Variants in ZKSCAN7 observed in about 807,000 individuals in gnomAD.
ZKSCAN7 encodes the protein zinc finger with KRAB and SCAN domains 7, also known as zinc finger protein with KRAB and SCAN domains 7.
Under a neutral mutation model 65.3 loss-of-function variants are expected in ZKSCAN7, and 38 were observed. The ratio of observed to expected loss-of-function variants is 0.58; its 90% CI spans 0.45 to 0.76. The LOEUF (loss-of-function observed/expected upper bound fraction) is 0.76, where lower values mean the gene tolerates loss of function less well. Among genes scored for constraint, ZKSCAN7 ranks in the 30% least tolerant of loss-of-function variants. The pLI, the probability that ZKSCAN7 is intolerant of heterozygous loss-of-function variation, is 0.00. For synonymous variants in ZKSCAN7, 321 were observed against 321.0 expected (o/e 1.00, Z 0.00); for missense variants, 815 against 913.3 (o/e 0.89, Z 1.39).
chr3:44,574,680 A>G (rs1699888910), downstream of ZKSCAN7, among the ~76,000 whole-genome samples: 1 of 152,248 alleles, frequency 6.6e-6, no homozygotes, highest in Non-Finnish European at 1.5e-5. Flanking sequence ...CTGTAATCCC[A>G]GCACTTTGGG....
At position 44,570,851 on chromosome 3, in the gene ZKSCAN7, T is replaced by C. The variant is rs1384202978; in HGVS notation, c.1741T>C (p.Cys581Arg). The change falls in exon 6 of 6, where the codon TGT (cysteine) becomes CGT (arginine). Residue 581 changes from cysteine (C) to arginine (R), a missense_variant. This residue lies in a region of ZKSCAN7 where 578 missense variants were observed against 629.5 expected (regional missense o/e 0.92). Transcript: ENST00000426540. ...CCATACTGGGGAAAAGCCATACAAA[T>C]GTAGTGAATGTGGGAAAGCCTTCAA... Reference protein sequence around the residue: ...SLHTGEKPYKCSECGKAFNQN... With the variant: ...SLHTGEKPYKRSECGKAFNQN... 1 of 1,614,172 alleles carries C rather than the reference T, an allele frequency of 6.2e-7. No individual in the cohort carries two copies. Among genetic ancestry groups the C allele is most frequent in the Admixed American group, 1.7e-5 (1 of 60,024 alleles).
intron 2 of ZKSCAN7, among the ~76,000 whole-genome samples, chr3:44,564,870 G>T (rs537869302): frequency 6.6e-6 from 1 of 151,786 alleles, no homozygotes; most frequent in Non-Finnish European, 1.5e-5. Flanking sequence ...GCGTGATCTC[G>T]GCTCCCTGCA....
Position 44,570,505 on chromosome 3 carries a change from A to C in ZKSCAN7, c.1395A>C (p.Lys465Asn). 1.2e-6 allele frequency: 2 copies of C among 1,614,182 alleles called. No homozygotes were observed. The highest frequency in any genetic ancestry group is 1.7e-6 in the Non-Finnish European group (2 of 1,180,036). The stretch of plus-strand genomic sequence containing the variant: ...ACCAGAGACTCCATAATGGGGAGAA[A>C]CCCTATAAATGTAATGAATGTGCAA... ...IQHQRLHNGEKPYKCNECAKA... is the reference protein window; with the variant it reads ...IQHQRLHNGENPYKCNECAKA... Residue 465 changes from lysine to asparagine, a missense_variant, in exon 6 of 6, where the codon AAA (lysine) becomes AAC (asparagine). Transcript: ENST00000426540.
In ZKSCAN7 at chr3:44,571,121, G is replaced by A. The variant is rs150218193; in HGVS notation, c.2011G>A (p.Val671Ile). 4.4e-5 allele frequency: 71 copies of A among 1,613,988 alleles called. No individual in the cohort carries two copies. The highest frequency in any genetic ancestry group is 6.0e-5 in the Non-Finnish European group (71 of 1,180,022). Residue 671 changes from valine (V) to isoleucine (I), a missense_variant, in exon 6 of 6, where the codon GTA becomes ATA. Around this residue, in one of 3 missense-constraint regions of ZKSCAN7, gnomAD observed 578 missense variants for 629.5 expected, o/e 0.92. Transcript: ENST00000426540. ...KPYECNECGK[V>I]FSYSSSLMVH... ...CTATGAATGTAATGAGTGTGGGAAG[G>A]TATTCAGTTATAGCTCCAGCCTTAT... is the stretch of plus-strand genomic sequence containing the variant.
At chr3:44,576,444 T>G (rs1012074421), downstream of ZKSCAN7, among the ~76,000 whole-genome samples, 3 of 151,514 alleles carry the variant, frequency 2.0e-5, no homozygotes, top group Non-Finnish European at 4.4e-5. Context: ...TCCCTTCAGT[T>G]TTTTTTTTAC....
Position 44,578,282 on chromosome 3 carries a change from T to C in ZKSCAN7, c.812-4690T>C, listed in dbSNP as rs558442956. 221 of 1,578,870 alleles carry C rather than the reference T, an allele frequency of 1.4e-4. 2 individuals carry two copies. Among genetic ancestry groups the C allele is most frequent in the Admixed American group, 3.8e-4 (23 of 59,988 alleles). On this transcript the variant is annotated intron_variant, in intron 5 of 5. Transcript: ENST00000341840. ...CTCATCCTTGAGGGAGCTAATCTCC[T>C]GTTTCAGGTACTGTATTTCCGATTC...
At chr3:44,581,135 C>G in intron 5 of ZKSCAN7, 1 of 969,252 alleles carries the variant, frequency 1.0e-6, no homozygotes, top group Non-Finnish European at 1.2e-6. Context: ...TGCCACAGGC[C>G]CTGACCGGCC....
At chr3:44,579,509 G>A (rs375769242) in intron 5 of ZKSCAN7, among the ~76,000 whole-genome samples, 8 of 152,314 alleles carry the variant, frequency 5.3e-5, no homozygotes, top group African/African-American at 1.2e-4. Flanking sequence ...AGTAGGCCTC[G>A]GGCAGGTCTC....
At chr3:44,575,108 C>A (rs564314725), downstream of ZKSCAN7, among the ~76,000 whole-genome samples, 1 of 152,228 alleles carries the variant, frequency 6.6e-6, no homozygotes, top group Admixed American at 6.5e-5. Flanking sequence ...GCCTGGGCAA[C>A]ACGTCAAGAC....
chr3:44,579,983 G>A (rs558176319), intron 5 of ZKSCAN7: 8 of 1,573,680 alleles, frequency 5.1e-6, no homozygotes, highest in Admixed American at 3.3e-5. Context: ...CTTGGGGGGG[G>A]GCTTCATTGG....
At chr3:44,573,356 TA>T (rs1699859796), downstream of ZKSCAN7, among the ~76,000 whole-genome samples, 1 of 152,202 alleles carries the variant, frequency 6.6e-6, no homozygotes, top group Non-Finnish European at 1.5e-5. Flanking sequence ...GCGAGTTATA[TA>T]ATCTGGAGGG....
chr3:44,580,436 C>T (rs1700044890), intron 5 of ZKSCAN7: 1 of 1,600,424 alleles, frequency 6.2e-7, no homozygotes, highest in South Asian at 1.1e-5. Flanking sequence ...AGAGTGTGGA[C>T]TTGGTGGTGG....
chr3:44,571,194 A>G lies in ZKSCAN7; in HGVS notation c.2084A>G (p.Asp695Gly). 1 of 1,614,226 alleles carries G rather than the reference A, an allele frequency of 6.2e-7. No homozygotes were observed. The highest frequency in any genetic ancestry group is 1.7e-5 in the Admixed American group (1 of 60,026). ...HTGEKPYKCN[D>G]CGKAFSDSSQ... is the part of the protein sequence containing the mutation. The stretch of plus-strand genomic sequence containing the variant: ...GGGGAAAAACCCTATAAATGCAATG[A>G]TTGTGGGAAAGCTTTTAGTGACAGC... The change falls in exon 6 of 6, where the codon GAT (aspartate) becomes GGT (glycine). Residue 695 changes from aspartate to glycine, a missense_variant. By Grantham distance (94) the Asp-to-Gly change is moderately conservative (BLOSUM62 -1). Transcript: ENST00000426540.
In ZKSCAN7 at chr3:44,570,431, T is replaced by C; in HGVS notation, c.1321T>C (p.Cys441Arg). The C allele has an allele frequency of 6.2e-7, 1 of 1,614,012 alleles. No individual in the cohort carries two copies. The highest frequency in any genetic ancestry group is 8.5e-7 in the Non-Finnish European group (1 of 1,179,962). The change falls in exon 6 of 6, where the codon TGC (cysteine) becomes CGC (arginine). Residue 441 changes from cysteine to arginine, a missense_variant. Cys to Arg is a radical substitution (Grantham distance 180). Around this residue, in one of 3 missense-constraint regions of ZKSCAN7, gnomAD observed 578 missense variants for 629.5 expected, o/e 0.92. Coordinates refer to ENST00000426540, the MANE Select transcript of ZKSCAN7 (RefSeq NM_001288590.2). ...CCACACAGGGGAAAAACCCTATGAA[T>C]GCAGTGAGTGTGGAAAGGCCTATAG... is the stretch of plus-strand genomic sequence containing the variant. Reference protein sequence around the residue: ...RTHTGEKPYECSECGKAYRHS... With the variant: ...RTHTGEKPYERSECGKAYRHS...
intron 3 of ZKSCAN7, 51 bp downstream of exon 3, chr3:44,565,706 T>A (rs1699613130): frequency 6.8e-7 from 1 of 1,475,594 alleles, no homozygotes; most frequent in South Asian, 1.4e-5. Flanking sequence ...TTCTCTCCTC[T>A]GGAGTCTCCT....
intron 1 of ZKSCAN7, among the ~76,000 whole-genome samples, chr3:44,556,704 C>T (rs1053142803): frequency 6.6e-6 from 1 of 152,054 alleles, no homozygotes; most frequent in African/African-American, 2.4e-5. Context: ...GGGGTAAGGC[C>T]AGGTTGTGAA....
rs1291364292 is a variant in ZKSCAN7, at chr3:44,567,998, C to A, written c.679C>A (p.Pro227Thr). The change falls in exon 4 of 6, where the codon CCC becomes ACC. Residue 227 changes from proline (P) to threonine (T), a missense_variant. By Grantham distance (38) the Pro-to-Thr change is conservative. Coordinates refer to ENST00000426540, the MANE Select transcript of ZKSCAN7 (RefSeq NM_001288590.2). ...GGCAACTGTACTTCGGATGGTCAGG[C>A]CCCAGGTGAGCTTGGTTCTTTGTGT... ...AGATVLRMVR[P>T]QDTVAYEDLS... 27 of 1,439,626 alleles carry A rather than the reference C, an allele frequency of 1.9e-5. No individual in the cohort carries two copies. The highest frequency in any genetic ancestry group is 7.5e-5 in the East Asian group (3 of 40,224). 89.2% of individuals were successfully genotyped at this position (1,439,626 alleles called of 1,614,324 possible).
intron 2 of ZKSCAN7, among the ~76,000 whole-genome samples, chr3:44,557,994 A>G (rs1252071872): frequency 3.3e-5 from 5 of 152,144 alleles, no homozygotes; most frequent in African/African-American, 7.2e-5. Flanking sequence ...AGTTTTCCCT[A>G]TTTCCTGGAG....
At chr3:44,573,176 A>G (rs116530941), downstream of ZKSCAN7, among the ~76,000 whole-genome samples, 3,885 of 152,322 alleles carry the variant, frequency 0.026, 108 homozygotes, top group African/African-American at 0.066. Flanking sequence ...CTGCCATCAC[A>G]TGTCAGTCCA....
Sources: allele counts gnomAD v4.1 joint callset (sites outside exome capture counted in the v4.1 genomes callset), GRCh38; gene constraint gnomAD v4.1.1; regional missense constraint gnomAD v4.1.1; transcripts MANE v1.5; gene names NCBI Gene and HGNC (gene_info 2026-07-23, HGNC 2026-07-21).